Variants in PVT1 observed in about 807,000 individuals in gnomAD.
PVT1 encodes Pvt1 oncogene, also known as CXCR4/PVT1 fusion.
intron 3 of PVT1, among the ~76,000 whole-genome samples, chr8:127,968,950 CA>C (rs1292812908): frequency 6.6e-6 from 1 of 152,160 alleles, no homozygotes; most frequent in Non-Finnish European, 1.5e-5. Flanking sequence ...AGAGGCTTCA[CA>C]GACAGCACGG....
chr8:127,959,466 T>A (rs1249064320), intron 3 of PVT1, among the ~76,000 whole-genome samples: 1 of 151,524 alleles, frequency 6.6e-6, no homozygotes, highest in Admixed American at 6.6e-5. Context: ...GTGCCTATAG[T>A]CCCAGCTACT....
chr8:127,856,490 T>G (rs1457485478), intron 2 of PVT1, among the ~76,000 whole-genome samples: 4 of 151,964 alleles, frequency 2.6e-5, no homozygotes. Flanking sequence ...TACAGGCACC[T>G]GCCACCACGC....
chr8:127,915,571 C>G (rs1815973425), intron 3 of PVT1, among the ~76,000 whole-genome samples: 1 of 126,844 alleles, frequency 7.9e-6, no homozygotes, highest in Non-Finnish European at 1.6e-5. Context: ...GAGATTGCAT[C>G]ATTGCATTTC....
intron 3 of PVT1, among the ~76,000 whole-genome samples, chr8:127,949,385 G>GTGTGTGTGTGTGTGTGTGTT (rs1816467287): frequency 7.3e-6 from 1 of 136,356 alleles, no homozygotes; most frequent in African/African-American, 2.7e-5. Flanking sequence ...GGAGCTGTGT[G>GTGTGTGTGTGTGTGTGTGTT]TGTGTGTGTG....
intron 2 of PVT1, among the ~76,000 whole-genome samples, chr8:127,850,962 G>A (rs900551358): frequency 1.5e-4 from 22 of 151,300 alleles, no homozygotes; most frequent in Non-Finnish European, 1.5e-5. Flanking sequence ...AGCCAAGATC[G>A]TGCCATAGCA....
chr8:127,923,978 G>C (rs894077857), intron 3 of PVT1, among the ~76,000 whole-genome samples: 1 of 152,182 alleles, frequency 6.6e-6, no homozygotes, highest in Non-Finnish European at 1.5e-5. Flanking sequence ...GGAATTGCTC[G>C]GGGCAGGAGA....
chr8:128,023,816 C>T (rs7010574), intron 4 of PVT1, among the ~76,000 whole-genome samples: 22,040 of 152,092 alleles, frequency 0.14, 3,612 homozygotes, highest in African/African-American at 0.41. Flanking sequence ...GTCCCTGGCT[C>T]CAAGGCAAGC....
chr8:127,842,347 T>A (rs1310490562), intron 2 of PVT1, among the ~76,000 whole-genome samples: 4 of 151,922 alleles, frequency 2.6e-5, no homozygotes, highest in Non-Finnish European at 5.9e-5. Context: ...TTTCAACTCC[T>A]GGGATCCAGT....
intron 2 of PVT1, among the ~76,000 whole-genome samples, chr8:127,841,202 G>A (rs1814969726): frequency 6.6e-6 from 1 of 152,356 alleles, no homozygotes; most frequent in Admixed American, 6.5e-5. Flanking sequence ...TCAGCTCAGG[G>A]TTAGATCTTC....
At chr8:128,017,971 T>C (rs1817392501) in intron 4 of PVT1, among the ~76,000 whole-genome samples, 1 of 152,198 alleles carries the variant, frequency 6.6e-6, no homozygotes, top group African/African-American at 2.4e-5. Context: ...TTTGTAATAA[T>C]CTACGAATAC....
At chr8:127,883,662 T>C (rs1438255126) in intron 2 of PVT1, among the ~76,000 whole-genome samples, 1 of 151,574 alleles carries the variant, frequency 6.6e-6, no homozygotes, top group Non-Finnish European at 1.5e-5. Context: ...AAAAAAGAAT[T>C]CCTATTTTAA....
intron 5 of PVT1, among the ~76,000 whole-genome samples, chr8:128,081,372 G>T (rs1814175031): frequency 6.6e-6 from 1 of 152,154 alleles, no homozygotes; most frequent in Non-Finnish European, 1.5e-5. Context: ...AGGTTTTTGT[G>T]GGAAGAGGAA....
intron 5 of PVT1, among the ~76,000 whole-genome samples, chr8:128,086,559 C>A (rs891973298): frequency 2.0e-5 from 3 of 152,190 alleles, no homozygotes; most frequent in African/African-American, 7.2e-5. Flanking sequence ...TGCAAAGACA[C>A]AGAAATAGTC....
intron 4 of PVT1, among the ~76,000 whole-genome samples, chr8:128,004,513 G>T (rs1244431565): frequency 1.3e-5 from 2 of 152,184 alleles, no homozygotes. Flanking sequence ...AAAGCCCGGG[G>T]CACAATCTCC....
At chr8:127,904,528 C>G (rs1005764196) in intron 3 of PVT1, among the ~76,000 whole-genome samples, 1 of 152,166 alleles carries the variant, frequency 6.6e-6, no homozygotes, top group African/African-American at 2.4e-5. Flanking sequence ...GTGTCTATCT[C>G]TGGCCTCGTT....
intron 4 of PVT1, among the ~76,000 whole-genome samples, chr8:128,024,919 C>T (rs1328168894): frequency 6.6e-6 from 1 of 152,246 alleles, no homozygotes; most frequent in Admixed American, 6.5e-5. Flanking sequence ...CCAGGCTGAT[C>T]TTAAACTCCT....
chr8:127,945,011 C>T (rs1263972282), intron 3 of PVT1, among the ~76,000 whole-genome samples: 1 of 152,110 alleles, frequency 6.6e-6, no homozygotes, highest in African/African-American at 2.4e-5. Context: ...ATTCTACTTT[C>T]CCCTGGGGGT....
intron 3 of PVT1, chr8:127,940,125 G>A (rs763390002): frequency 9.9e-5 from 15 of 152,122 alleles, no homozygotes; most frequent in Admixed American, 6.5e-5. Flanking sequence ...AGTTCCTGCT[G>A]AATATCAGGC....
intron 2 of PVT1, among the ~76,000 whole-genome samples, chr8:127,821,278 G>T (rs569481242): frequency 6.6e-6 from 1 of 152,196 alleles, no homozygotes; most frequent in African/African-American, 2.4e-5. Context: ...GCCACTAGCC[G>T]CATGTGGCTA....
Sources: allele counts gnomAD v4.1 joint callset (sites outside exome capture counted in the v4.1 genomes callset), GRCh38; gene constraint gnomAD v4.1.1; transcripts MANE v1.5; gene names NCBI Gene and HGNC (gene_info 2026-07-23, HGNC 2026-07-21).